Variants in CDC42BPB observed in about 807,000 individuals in gnomAD.
CDC42BPB encodes serine/threonine-protein kinase MRCK beta.
CDC42BPB carries 37 observed loss-of-function variants against 214.9 expected under a neutral mutation model. The ratio of observed to expected loss-of-function variants is 0.17; its 90% CI spans 0.13 to 0.23. The LOEUF is 0.23. CDC42BPB is among the 10% of genes least tolerant of loss of function. The pLI is 1.00. For synonymous variants in CDC42BPB, 931 were observed against 884.0 expected, an observed-to-expected ratio of 1.05 and a Z score of -0.94; for missense variants, 1,694 against 2,227.0, an observed-to-expected ratio of 0.76 and a Z score of 4.82.
intron 1 of CDC42BPB, among the ~76,000 whole-genome samples, chr14:103,047,310 C>T: frequency 6.8e-6 from 1 of 146,362 alleles, no homozygotes; most frequent in East Asian, 2.0e-4. Flanking sequence ...TTAGAACAAA[C>T]ATTAAAACTA....
chr14:102,962,754 G>A (rs1893017990), intron 20 of CDC42BPB, among the ~76,000 whole-genome samples: 1 of 152,216 alleles, frequency 6.6e-6, no homozygotes. Context: ...TTGCGAGGCT[G>A]AGGCGGGAGA....
chr14:102,980,950 G>A lies in CDC42BPB; in HGVS notation c.963C>T (p.Ile321=), dbSNP rs1893969896. ...EEAKDLIQRL[I]CSRERRLGQN... is the part of the protein sequence containing the mutation. Reference sequence around the variant, plus strand: ...GCCCCAGCCGGCGTTCTCTACTGCAGATCAGTCTCTGGATGAGGTCCTTCG... The same window carrying A: ...GCCCCAGCCGGCGTTCTCTACTGCAAATCAGTCTCTGGATGAGGTCCTTCG... Residue 321 remains isoleucine, a synonymous_variant, in exon 8 of 37, where the codon ATC becomes ATT. Transcript: ENST00000361246. 1 of 1,614,068 alleles carries A rather than the reference G, an allele frequency of 6.2e-7. No individual in the cohort carries two copies. The highest frequency in any genetic ancestry group is 1.3e-5 in the African/African-American group (1 of 74,924).
intron 36 of CDC42BPB, chr14:102,936,982 TG>T (rs1891671964): frequency 6.6e-6 from 1 of 152,182 alleles, no homozygotes; most frequent in Admixed American, 6.5e-5. Flanking sequence ...GAGACCAGCC[TG>T]GGCAACAAAG....
chr14:102,961,697 C>A lies in CDC42BPB; in HGVS notation c.2821+1364G>T, dbSNP rs1018053512. The stretch of plus-strand genomic sequence containing the variant: ...TAGCTGGGATTACAGGCATGCACCA[C>A]CACGCCCAGCTAATTTTGTATTTTT... On this transcript the variant is annotated intron_variant, in intron 20 of 36. Coordinates refer to ENST00000361246, the MANE Select transcript of CDC42BPB (RefSeq NM_006035.4). Among the ~76,000 whole-genome samples the A allele has an allele frequency of 5.3e-5, 8 of 152,286 alleles. No individual in the cohort carries two copies. In the South Asian group the frequency reaches 1.7e-3, roughly 32 times the overall value.
chr14:103,044,451 C>T (rs1028963468), intron 1 of CDC42BPB, among the ~76,000 whole-genome samples: 20 of 150,814 alleles, frequency 1.3e-4, no homozygotes, highest in African/African-American at 4.6e-4. Context: ...CTCACTGCAA[C>T]CTCCACCTCC....
intron 5 of CDC42BPB, among the ~76,000 whole-genome samples, chr14:102,992,782 A>G (rs1566887703): frequency 2.0e-5 from 3 of 148,382 alleles, no homozygotes; most frequent in Non-Finnish European, 4.5e-5. Context: ...ATATATTAAA[A>G]ATATATATAT....
intron 5 of CDC42BPB, among the ~76,000 whole-genome samples, chr14:102,993,547 G>C (rs1193551189): frequency 2.0e-5 from 3 of 147,738 alleles, no homozygotes; most frequent in Non-Finnish European, 4.5e-5. Context: ...AGGATGGAGG[G>C]AAAGAGGGAG....
intron 24 of CDC42BPB, chr14:102,950,827 G>C (rs1299647182): frequency 7.4e-6 from 2 of 272,000 alleles, no homozygotes; most frequent in Admixed American, 6.5e-5. Context: ...TTAGCCAGGG[G>C]TGGTGAAGCG....
chr14:102,944,823 G>A lies in CDC42BPB; in HGVS notation c.3812-336C>T, dbSNP rs1225094209. 6.6e-6 allele frequency among the ~76,000 whole-genome samples: 1 copy of A among 152,174 alleles called. No individual in the cohort carries two copies. The highest frequency in any genetic ancestry group is 1.9e-4 in the East Asian group (1 of 5,190). ...TTCCACCTGGGTCCTCGCGCAGCAA[G>A]GCCCTGGGGTGATCTGGGCCTCCTT... On this transcript the variant is annotated intron_variant, in intron 29 of 36. Transcript: ENST00000361246. This position sits in a 1 kb window ranked among gnomAD's most constrained non-coding sequence, Gnocchi z 6.6.
intron 1 of CDC42BPB, among the ~76,000 whole-genome samples, chr14:103,051,400 T>C (rs1241994419): frequency 2.0e-5 from 3 of 146,396 alleles, no homozygotes; most frequent in Non-Finnish European, 4.5e-5. Context: ...GATTACATGG[T>C]AACATTGTTT....
At chr14:102,934,948 T>C (rs1334537238) in intron 36 of CDC42BPB, among the ~76,000 whole-genome samples, 3 of 149,882 alleles carry the variant, frequency 2.0e-5, no homozygotes, top group Non-Finnish European at 3.0e-5. Flanking sequence ...AGGCGGAGCT[T>C]GCAGTGAGCC....
intron 1 of CDC42BPB, among the ~76,000 whole-genome samples, chr14:103,022,198 A>G (rs992004344): frequency 2.0e-5 from 3 of 152,128 alleles, no homozygotes; most frequent in African/African-American, 7.2e-5. Context: ...CCATCCTGGA[A>G]GGTGGATGAC....
rs544678339 is a variant in CDC42BPB at position 103,004,118 on chromosome 14, C to T, written c.352-95G>A. On this transcript the variant is annotated intron_variant, in intron 3 of 36. Transcript: ENST00000361246. This position sits in a 1 kb window ranked among gnomAD's most constrained non-coding sequence, Gnocchi z 5.3. Reference sequence around the variant, plus strand: ...GGGGTCCCTCCTGGGACAGTGGCTCCAGCCACGGTGTCCCTGCCTTCCGGG... The same window carrying T: ...GGGGTCCCTCCTGGGACAGTGGCTCTAGCCACGGTGTCCCTGCCTTCCGGG... 5.6e-6 allele frequency: 8 copies of T among 1,429,782 alleles called. No homozygotes were observed. In the African/African-American group the frequency reaches 8.5e-5, roughly 15 times the overall value. 88.6% of individuals were successfully genotyped at this position (1,429,782 alleles called of 1,614,324 possible). A position where few individuals can be genotyped will look rare whatever the true frequency, so the allele number is the denominator to read the frequency against.
chr14:102,934,111 A>T, intron 36 of CDC42BPB: 2 of 996,786 alleles, frequency 2.0e-6, no homozygotes, highest in Non-Finnish European at 2.6e-6. Flanking sequence ...AAGAAATCAG[A>T]TGGGGCCGGA....
intron 21 of CDC42BPB, chr14:102,956,397 C>T: frequency 1.0e-6 from 1 of 970,148 alleles, no homozygotes; most frequent in Non-Finnish European, 1.2e-6. Context: ...TAGTAAAAAC[C>T]AACATGTTTC....
At chr14:103,052,404 T>C (rs538284371) in intron 1 of CDC42BPB, among the ~76,000 whole-genome samples, 2 of 152,328 alleles carry the variant, frequency 1.3e-5, no homozygotes, top group Non-Finnish European at 2.9e-5. Context: ...TAAAAATGTA[T>C]TTGAGCCGGG....
chr14:102,967,077 A>G lies in CDC42BPB; in HGVS notation c.2440T>C (p.Trp814Arg), dbSNP rs763068962. Reference sequence around the variant, plus strand: ...ATGATTTCCGCAATCTGAGCTTCCCAGTGGGCCACTGACTCCTTCTTGGCT... The same window carrying G: ...ATGATTTCCGCAATCTGAGCTTCCCGGTGGGCCACTGACTCCTTCTTGGCT... ...LAAKKESVAH[W>R]EAQIAEIIQW... Residue 814 changes from tryptophan to arginine, a missense_variant, in exon 17 of 37, where the codon TGG becomes CGG. Coordinates refer to ENST00000361246, the MANE Select transcript of CDC42BPB (RefSeq NM_006035.4). 2 of 1,614,210 alleles carry G rather than the reference A, an allele frequency of 1.2e-6. No individual in the cohort carries two copies. Among genetic ancestry groups the G allele is most frequent in the Non-Finnish European group, 8.5e-7 (1 of 1,180,036 alleles).
rs1302081241 is a variant in CDC42BPB, at chr14:102,954,228, G to A, written c.3036C>T (p.Thr1012=). 1.0e-5 allele frequency: 16 copies of A among 1,547,390 alleles called. No individual in the cohort carries two copies. The highest frequency in any genetic ancestry group is 1.4e-5 in the African/African-American group (1 of 72,730). The part of the protein sequence containing the change: ...PQRPSAVPLP[T]TQALALAGPK... ...GTCCAGCCAGAGCCAGGGCCTGCGT[G>A]GTGGGCAACGGCACAGCGGATGGCC... Residue 1012 remains threonine (T), a synonymous_variant, in exon 23 of 37, where the codon ACC becomes ACT. Transcript: ENST00000361246.
At chr14:102,989,555 G>A (rs117684165) in intron 5 of CDC42BPB, among the ~76,000 whole-genome samples, 1,726 of 152,304 alleles carry the variant, frequency 0.011, 16 homozygotes, top group Non-Finnish European at 0.015. Flanking sequence ...ATGGTAGTTC[G>A]CAGTATTATG....
Sources: gnomAD v4.1 joint callset for allele counts (sites outside exome capture counted in the v4.1 genomes callset) on GRCh38, gnomAD v4.1.1 for gene constraint, Gnocchi (gnomAD v3.1) non-coding constraint, MANE v1.5 for transcripts, NCBI Gene and HGNC (gene_info 2026-07-23, HGNC 2026-07-21) for gene names.